ZNF804B: variants seen among roughly 807,000 people sequenced by gnomAD.
ZNF804B encodes zinc finger protein 804B.
A neutral mutation model predicts 101.4 loss-of-function variants in ZNF804B; 80 were observed. That is an observed-to-expected ratio of 0.79 (90% CI 0.66 to 0.95). ZNF804B has a LOEUF of 0.95. ZNF804B is among the 40% of genes least tolerant of loss of function. ZNF804B has a pLI of 0.00. For missense variants in ZNF804B, 1,673 were observed against 1,561.9 expected, an observed-to-expected ratio of 1.07 and a Z score of -1.20; for synonymous variants, 622 against 558.8, an observed-to-expected ratio of 1.11 and a Z score of -1.59.
intron 1 of ZNF804B, among the ~76,000 whole-genome samples, chr7:88,981,376 A>T (rs774554724): frequency 6.6e-6 from 1 of 152,058 alleles, no homozygotes; most frequent in Non-Finnish European, 1.5e-5. Context: ...TCTAAGTTCC[A>T]AGACAAAGTC....
At chr7:89,102,455 C>T (rs931376940) in intron 1 of ZNF804B, among the ~76,000 whole-genome samples, 3 of 151,800 alleles carry the variant, frequency 2.0e-5, no homozygotes, top group African/African-American at 7.3e-5. Context: ...AGCGTTTTTT[C>T]ATGTGTTTGT....
chr7:89,259,699 A>C (rs907253519), intron 2 of ZNF804B, among the ~76,000 whole-genome samples: 2 of 152,134 alleles, frequency 1.3e-5, no homozygotes, highest in African/African-American at 4.8e-5. Flanking sequence ...CAATAGCAAA[A>C]GAATGTTAGA....
chr7:89,111,057 C>T (rs1375334070), intron 1 of ZNF804B, among the ~76,000 whole-genome samples: 2 of 152,032 alleles, frequency 1.3e-5, no homozygotes, highest in Non-Finnish European at 2.9e-5. Flanking sequence ...TTTTATGGCT[C>T]GGTAGCTCAT....
At chr7:88,877,823 A>G (rs1266697583) in intron 1 of ZNF804B, among the ~76,000 whole-genome samples, 1 of 152,134 alleles carries the variant, frequency 6.6e-6, no homozygotes, top group Non-Finnish European at 1.5e-5. Flanking sequence ...CAGAGCCAAT[A>G]TTTCTATAAA....
Position 88,775,283 on chromosome 7 carries a change from G to C in ZNF804B, c.108+15199G>C, listed in dbSNP as rs543476677. The stretch of plus-strand genomic sequence containing the variant: ...TGAGGAGGAGCTATTTTGGCATAGA[G>C]CTCTGAGTCAGGACCCAAGGAATGG... On this transcript the variant is annotated intron_variant, in intron 1 of 3. Coordinates refer to ENST00000333190, the MANE Select transcript of ZNF804B (RefSeq NM_181646.5). Among the ~76,000 whole-genome samples, 11 of 152,244 alleles carry C rather than the reference G, an allele frequency of 7.2e-5. No individual in the cohort carries two copies. The South Asian group carries it at 2.1e-3, about 29-fold the overall frequency.
At chr7:89,179,696 G>A (rs7791505) in intron 1 of ZNF804B, among the ~76,000 whole-genome samples, 6,488 of 152,302 alleles carry the variant, frequency 0.043, 145 homozygotes, top group Middle Eastern at 0.11. Context: ...CTTGATGCTT[G>A]TGGGTGTTCA....
Position 89,335,133 on chromosome 7 carries a change from C to T in ZNF804B, c.2151C>T (p.Ser717=), listed in dbSNP as rs1373828121. The T allele has an allele frequency of 6.2e-7, 1 of 1,613,758 alleles. No individual in the cohort carries two copies. The highest frequency in any genetic ancestry group is 1.3e-5 in the African/African-American group (1 of 74,910). ...RYSSSLDTSP[S]SMSSLRSTCS... ...CTTCCTCTTTGGACACATCCCCTAGCAGCATGTCTAGCTTGAGAAGTACTT... is the reference window on the plus strand; with the variant it reads ...CTTCCTCTTTGGACACATCCCCTAGTAGCATGTCTAGCTTGAGAAGTACTT... The change falls in exon 4 of 4, where the codon AGC becomes AGT. Residue 717 remains serine, a synonymous_variant. Transcript: ENST00000333190.
chr7:88,951,931 CTTTA>C, intron 1 of ZNF804B, among the ~76,000 whole-genome samples: 1 of 151,896 alleles, frequency 6.6e-6, no homozygotes. Context: ...GTGAATTTCT[CTTTA>C]TTTATATCTG....
At chr7:89,201,232 G>A (rs928283293) in intron 1 of ZNF804B, among the ~76,000 whole-genome samples, 3 of 152,040 alleles carry the variant, frequency 2.0e-5, no homozygotes, top group Non-Finnish European at 4.4e-5. Context: ...TGAGGACACA[G>A]ATTCCAACCC....
chr7:89,180,364 G>C (rs1426058084), intron 1 of ZNF804B, among the ~76,000 whole-genome samples: 1 of 152,064 alleles, frequency 6.6e-6, no homozygotes, highest in African/African-American at 2.4e-5. Flanking sequence ...TACCCAAATT[G>C]AAAGACTAAG....
At chr7:89,289,599 G>A (rs1381590281) in intron 2 of ZNF804B, among the ~76,000 whole-genome samples, 1 of 152,074 alleles carries the variant, frequency 6.6e-6, no homozygotes, top group East Asian at 1.9e-4. Context: ...GTGCTGCCCT[G>A]TCATAGCAAA....
At chr7:88,794,939 AC>A (rs771328954) in intron 1 of ZNF804B, 1 of 1,564,220 alleles carries the variant, frequency 6.4e-7, no homozygotes, top group Middle Eastern at 1.7e-4. Context: ...ACCGAAAAGG[AC>A]ATGAGGAGTC....
intron 1 of ZNF804B, among the ~76,000 whole-genome samples, chr7:88,909,324 G>A (rs1792515769): frequency 6.6e-6 from 1 of 151,780 alleles, no homozygotes; most frequent in Non-Finnish European, 1.5e-5. Flanking sequence ...GACACTTGTA[G>A]GTGCCTATAT....
chr7:89,108,351 G>C (rs1032182086), intron 1 of ZNF804B, among the ~76,000 whole-genome samples: 4 of 152,002 alleles, frequency 2.6e-5, no homozygotes, highest in Non-Finnish European at 4.4e-5. Context: ...CTGCTACAGA[G>C]AGAGGAAGAA....
chr7:89,153,647 A>T (rs970739120), intron 1 of ZNF804B, among the ~76,000 whole-genome samples: 1 of 151,986 alleles, frequency 6.6e-6, no homozygotes, highest in Non-Finnish European at 1.5e-5. Context: ...TCACGATGAA[A>T]ACTGGAATCA....
In ZNF804B at chr7:89,337,078, A is replaced by G; in HGVS notation, c.*46A>G. On this transcript the variant is annotated 3_prime_UTR_variant, in exon 4 of 4. Coordinates refer to ENST00000333190, the MANE Select transcript of ZNF804B (RefSeq NM_181646.5). ...GTGGATAATTTTTTTAATTGTCACTACCTATAAAATCATACATTTAAAGAA... is the reference window on the plus strand; with the variant it reads ...GTGGATAATTTTTTTAATTGTCACTGCCTATAAAATCATACATTTAAAGAA... The G allele has an allele frequency of 6.5e-7, 1 of 1,530,824 alleles. No homozygotes were observed. The allele number at this position is 1,530,824 out of a possible 1,614,324, so 94.8% of individuals were successfully genotyped here.
intron 1 of ZNF804B, among the ~76,000 whole-genome samples, chr7:89,006,063 T>G (rs1788365663): frequency 6.6e-6 from 1 of 152,132 alleles, no homozygotes; most frequent in African/African-American, 2.4e-5. Context: ...GAAAACAATT[T>G]TTATGGGAAT....
In ZNF804B at chr7:89,334,899, G is replaced by C; in HGVS notation, c.1917G>C (p.Leu639Phe). 1 of 1,613,784 alleles carries C rather than the reference G, an allele frequency of 6.2e-7. No individual in the cohort carries two copies. The highest frequency in any genetic ancestry group is 8.5e-7 in the Non-Finnish European group (1 of 1,179,870). The change falls in exon 4 of 4, where the codon TTG becomes TTC. Residue 639 changes from leucine (L) to phenylalanine (F), a missense_variant. Transcript: ENST00000333190. ...SYISRFKKHK[L>F]IPCSPHLEFE... ...TCTCTAGGTTTAAAAAGCATAAATT[G>C]ATTCCCTGCAGTCCTCATTTGGAAT...
chr7:89,048,807 G>T (rs1306930974), intron 1 of ZNF804B, among the ~76,000 whole-genome samples: 1 of 151,712 alleles, frequency 6.6e-6, no homozygotes, highest in Admixed American at 6.6e-5. Context: ...TCCTTACTTG[G>T]ATTGGCTAGT....
Sources: allele counts gnomAD v4.1 joint callset (sites outside exome capture counted in the v4.1 genomes callset), GRCh38; gene constraint gnomAD v4.1.1; transcripts MANE v1.5; gene names NCBI Gene and HGNC (gene_info 2026-07-23, HGNC 2026-07-21).